Variants in PPFIBP2 observed in about 807,000 individuals in gnomAD.
The protein encoded by PPFIBP2 is PPFIB scaffold protein 2.
A neutral mutation model predicts 118.3 loss-of-function variants in PPFIBP2; 118 were observed. That is an observed-to-expected ratio of 1.00 (90% CI 0.86 to 1.16). The LOEUF is 1.16. PPFIBP2 is among the 50% of genes most tolerant of loss of function. The probability of loss-of-function intolerance (pLI) is 0.00; values close to 1 mark genes in which losing one functional copy is unlikely to be tolerated. For missense variants in PPFIBP2, 1,195 were observed against 1,073.1 expected (o/e 1.11, Z -1.59); for synonymous variants, 414 against 397.4 (o/e 1.04, Z -0.50).
intron 7 of PPFIBP2, among the ~76,000 whole-genome samples, chr11:7,622,656 A>G (rs953227727): frequency 6.6e-6 from 1 of 152,170 alleles, no homozygotes; most frequent in African/African-American, 2.4e-5. Context: ...TTTTACAGCT[A>G]TTTGGTACCA....
At chr11:7,581,815 A>T (rs1036232622) in intron 3 of PPFIBP2, among the ~76,000 whole-genome samples, 3 of 152,070 alleles carry the variant, frequency 2.0e-5, no homozygotes, top group Non-Finnish European at 4.4e-5. Context: ...ATGGATAAAC[A>T]ATTCTATAGA....
chr11:7,551,047 A>ATAGATATCTATAGATATC (rs1564963407), intron 2 of PPFIBP2, among the ~76,000 whole-genome samples: 1 of 140,398 alleles, frequency 7.1e-6, no homozygotes, highest in Non-Finnish European at 1.6e-5. Flanking sequence ...ATCTATAGAT[A>ATAGATATCTATAGATATC]TAGATATCTA....
chr11:7,573,274 ACT>A (rs1264643463), intron 3 of PPFIBP2, among the ~76,000 whole-genome samples: 1 of 152,176 alleles, frequency 6.6e-6, no homozygotes, highest in East Asian at 1.9e-4. Context: ...ATGGGGAAGC[ACT>A]GTCCTAACCC....
At chr11:7,646,352 C>T (rs144877873) in intron 17 of PPFIBP2, among the ~76,000 whole-genome samples, 175 of 152,232 alleles carry the variant, frequency 1.1e-3, no homozygotes, top group Non-Finnish European at 2.3e-3. Context: ...TTGATAGAGG[C>T]CTTTCTAAAT....
intron 5 of PPFIBP2, among the ~76,000 whole-genome samples, chr11:7,600,387 C>T (rs1237801882): frequency 6.6e-6 from 1 of 152,218 alleles, no homozygotes; most frequent in Non-Finnish European, 1.5e-5. Context: ...TTGATTCTTG[C>T]ACCACAGTGC....
intron 1 of PPFIBP2, among the ~76,000 whole-genome samples, chr11:7,531,873 T>C (rs1250347035): frequency 6.6e-6 from 1 of 152,126 alleles, no homozygotes; most frequent in Non-Finnish European, 1.5e-5. Context: ...TCTCACTGTG[T>C]TGCCCATGCT....
chr11:7,524,643 A>G (rs555300114), intron 1 of PPFIBP2, among the ~76,000 whole-genome samples: 1 of 152,240 alleles, frequency 6.6e-6, no homozygotes, highest in East Asian at 1.9e-4. Context: ...TAAATGCTAA[A>G]CTGGGTGGGG....
intron 2 of PPFIBP2, among the ~76,000 whole-genome samples, chr11:7,563,084 G>A (rs891890174): frequency 6.6e-6 from 1 of 150,808 alleles, no homozygotes; most frequent in Non-Finnish European, 1.5e-5. Context: ...AAAGCTTTAG[G>A]GCAGAGAGGG....
chr11:7,594,885 C>T (rs556390796), intron 4 of PPFIBP2, among the ~76,000 whole-genome samples: 10 of 146,100 alleles, frequency 6.8e-5, no homozygotes, highest in Admixed American at 4.8e-4. Flanking sequence ...TCACTGTGCT[C>T]CAGCCTGGGC....
At chr11:7,560,745 T>G (rs1026893646) in intron 2 of PPFIBP2, among the ~76,000 whole-genome samples, 5 of 152,222 alleles carry the variant, frequency 3.3e-5, no homozygotes, top group Non-Finnish European at 7.3e-5. Context: ...CCAGTCTTTG[T>G]GTCTATTAAC....
chr11:7,637,132 G>C (rs1851554145), intron 14 of PPFIBP2, among the ~76,000 whole-genome samples: 1 of 152,200 alleles, frequency 6.6e-6, no homozygotes, highest in Non-Finnish European at 1.5e-5. Flanking sequence ...TGCCCTCTCT[G>C]AGTGCTCTGT....
In PPFIBP2 at chr11:7,565,872, A is replaced by G. The variant is rs1440607192; in HGVS notation, c.279+105A>G. 2.8e-5 allele frequency: 36 copies of G among 1,270,180 alleles called. No homozygotes were observed. In the East Asian group the frequency reaches 9.0e-4, roughly 32 times the overall value. 78.7% of individuals were successfully genotyped at this position (1,270,180 alleles called of 1,614,324 possible). On this transcript the variant is annotated intron_variant, in intron 3 of 23. Transcript: ENST00000299492. ...CTGTTGAGTCATCTGTATACCTTCCAGCCTTTTCTTCCATCCCACTTTGGC... is the reference window on the plus strand; with the variant it reads ...CTGTTGAGTCATCTGTATACCTTCCGGCCTTTTCTTCCATCCCACTTTGGC...
Position 7,627,498 on chromosome 11 carries a change from G to C in PPFIBP2, c.827-787G>C, listed in dbSNP as rs931771760. ...ACATCCCTATTCCCATTTAGGAAGA[G>C]GCATAGATCCTTCTTTGAACAATCT... On this transcript the variant is annotated intron_variant, in intron 8 of 23. Coordinates refer to ENST00000299492, the MANE Select transcript of PPFIBP2 (RefSeq NM_003621.5). Among the ~76,000 whole-genome samples the C allele has an allele frequency of 2.0e-5, 3 of 152,034 alleles. No individual in the cohort carries two copies. The East Asian group carries it at 5.8e-4, about 29-fold the overall frequency.
Position 7,642,419 on chromosome 11 carries a change from C to A in PPFIBP2, c.1639C>A (p.Gln547Lys). Residue 547 changes from glutamine to lysine, a missense_variant, in exon 17 of 24, where the codon CAG (glutamine) becomes AAG (lysine). Coordinates refer to ENST00000299492, the MANE Select transcript of PPFIBP2 (RefSeq NM_003621.5). ...CTCTAGGACCAGGGACTCCAAGGGA[C>A]AGAAAAGGTAAGGCTTGACCCACTT... ...RLSRTRDSKG[Q>K]KSDANAPFAQ... The A allele has an allele frequency of 6.2e-7, 1 of 1,613,188 alleles. No individual in the cohort carries two copies. Among genetic ancestry groups the A allele is most frequent in the Non-Finnish European group, 8.5e-7 (1 of 1,179,510 alleles).
At chr11:7,656,887 C>A, downstream of PPFIBP2, 1 of 986,562 alleles carries the variant, frequency 1.0e-6, no homozygotes, top group Non-Finnish European at 1.4e-6. Context: ...GCCCCCTCTG[C>A]AAGCCCAGTC....
intron 5 of PPFIBP2, among the ~76,000 whole-genome samples, chr11:7,609,233 C>T (rs1407656722): frequency 6.6e-6 from 1 of 152,182 alleles, no homozygotes; most frequent in Admixed American, 6.5e-5. Flanking sequence ...TTGAGATTGC[C>T]ATTCTTGTGC....
chr11:7,593,014 G>T, intron 3 of PPFIBP2, 118 bp from the exon 4 acceptor site: 1 of 1,398,670 alleles, frequency 7.1e-7, no homozygotes, highest in Non-Finnish European at 9.6e-7. Flanking sequence ...GATTGGTTTT[G>T]TACATATAAT....
At chr11:7,518,217 T>C (rs1001977344) in intron 1 of PPFIBP2, among the ~76,000 whole-genome samples, 4 of 152,236 alleles carry the variant, frequency 2.6e-5, no homozygotes, top group African/African-American at 9.6e-5. Flanking sequence ...GTCAAGCTTC[T>C]GAAGCTTGCA....
chr11:7,555,155 C>T (rs1192890128), intron 2 of PPFIBP2, among the ~76,000 whole-genome samples: 1 of 152,176 alleles, frequency 6.6e-6, no homozygotes, highest in Non-Finnish European at 1.5e-5. Context: ...TCAGTGGCTA[C>T]TTTGTCAGGC....
Sources: gnomAD v4.1 joint callset for allele counts (sites outside exome capture counted in the v4.1 genomes callset) on GRCh38, gnomAD v4.1.1 for gene constraint, MANE v1.5 for transcripts, NCBI Gene and HGNC (gene_info 2026-07-23, HGNC 2026-07-21) for gene names.